PTPRD: variants seen among roughly 807,000 people sequenced by gnomAD.
PTPRD encodes protein tyrosine phosphatase receptor type D.
Under a neutral mutation model 214.5 loss-of-function variants are expected in PTPRD, and 34 were observed. The observed-to-expected ratio is 0.16, with a 90% CI of 0.12 to 0.21. The LOEUF (loss-of-function observed/expected upper bound fraction) is 0.21, where lower values mean the gene tolerates loss of function less well. Among genes scored for constraint, PTPRD ranks in the 10% least tolerant of loss-of-function variants. PTPRD has a pLI of 1.00. For synonymous variants in PTPRD, 1,128 were observed against 845.7 expected (o/e 1.33, Z -5.79); for missense variants, 2,545 against 2,398.7 (o/e 1.06, Z -1.27).
At chr9:8,572,107 C>A (rs965667101) in intron 14 of PTPRD, among the ~76,000 whole-genome samples, 1 of 152,042 alleles carries the variant, frequency 6.6e-6, no homozygotes, top group Non-Finnish European at 1.5e-5. Context: ...TCAGGTAGCA[C>A]TCAAAGAGCT....
intron 3 of PTPRD, among the ~76,000 whole-genome samples, chr9:10,283,533 T>C (rs2095230220): frequency 6.6e-6 from 1 of 152,236 alleles, no homozygotes; most frequent in Non-Finnish European, 1.5e-5. Context: ...GCATCTTTTA[T>C]TATGTCTATT....
At chr9:9,931,664 T>G (rs887091339) in intron 5 of PTPRD, among the ~76,000 whole-genome samples, 221 of 151,122 alleles carry the variant, frequency 1.5e-3, no homozygotes, top group African/African-American at 5.0e-3. Flanking sequence ...GCGCCCACCA[T>G]TGCCCAGGCG....
rs1326931351 is a variant in PTPRD, at chr9:10,248,524, AAAT to A, written c.-545+92436_-545+92438del. ...GGGTACATATAGCAAAAAAAAAAAAAAATAAAAAAAATAAAGCGAGAAACCAAA... is the reference window on the plus strand; with the variant it reads ...GGGTACATATAGCAAAAAAAAAAAAAAAAAAAAATAAAGCGAGAAACCAAA... On this transcript the variant is annotated intron_variant, in intron 3 of 45. Transcript: ENST00000381196. 1.3e-3 allele frequency among the ~76,000 whole-genome samples: 41 copies of A among 31,530 alleles called. 1 individual carries two copies. Among genetic ancestry groups the A allele is most frequent in the East Asian group, 2.3e-3 (1 of 428 alleles). 20.7% of individuals were successfully genotyped at this position (31,530 alleles called of 152,430 possible).
intron 10 of PTPRD, among the ~76,000 whole-genome samples, chr9:9,151,585 C>T (rs1319921403): frequency 6.6e-6 from 1 of 152,138 alleles, no homozygotes; most frequent in Admixed American, 6.5e-5. Flanking sequence ...AACTAGGAAA[C>T]TTTACGAAAA....
At chr9:9,733,106 G>C (rs947124877) in intron 7 of PTPRD, among the ~76,000 whole-genome samples, 1 of 152,152 alleles carries the variant, frequency 6.6e-6, no homozygotes, top group East Asian at 1.9e-4. Context: ...GGCTAAACTA[G>C]TCTCGCAATA....
chr9:9,966,222 G>A (rs775178578), intron 4 of PTPRD, among the ~76,000 whole-genome samples: 13 of 152,072 alleles, frequency 8.5e-5, no homozygotes, highest in Non-Finnish European at 1.5e-4. Flanking sequence ...GCAACACAAG[G>A]AAAGATTTAT....
intron 3 of PTPRD, among the ~76,000 whole-genome samples, chr9:10,178,196 T>G (rs73396391): frequency 2.0e-5 from 3 of 151,920 alleles, no homozygotes. Flanking sequence ...GGAATGGGAT[T>G]GGGGCACAAG....
chr9:9,968,822 G>GAAAACTTAATGAAAACTT (rs2094894431), intron 4 of PTPRD, among the ~76,000 whole-genome samples: 1 of 152,094 alleles, frequency 6.6e-6, no homozygotes, highest in Non-Finnish European at 1.5e-5. Flanking sequence ...AACGAGAAAG[G>GAAAACTTAATGAAAACTT]AAAGAAAACT....
chr9:9,464,563 G>T (rs991155466), intron 8 of PTPRD, among the ~76,000 whole-genome samples: 1 of 151,978 alleles, frequency 6.6e-6, no homozygotes, highest in Non-Finnish European at 1.5e-5. Context: ...CACATTTAGT[G>T]GTATGTTTTA....
intron 14 of PTPRD, among the ~76,000 whole-genome samples, chr9:8,578,096 G>A (rs2092659426): frequency 6.6e-6 from 1 of 152,150 alleles, no homozygotes; most frequent in South Asian, 2.1e-4. Context: ...TACAGATACA[G>A]ATTCTTAGCA....
At chr9:9,836,969 C>T (rs886337501) in intron 5 of PTPRD, among the ~76,000 whole-genome samples, 2 of 152,164 alleles carry the variant, frequency 1.3e-5, no homozygotes, top group Non-Finnish European at 2.9e-5. Context: ...TAAAAAGCCT[C>T]ACCTATGTGT....
chr9:9,798,561 G>C (rs1048044110), intron 5 of PTPRD, among the ~76,000 whole-genome samples: 1 of 152,152 alleles, frequency 6.6e-6, no homozygotes, highest in African/African-American at 2.4e-5. Context: ...CATTTCATGG[G>C]AGAAGGTCAG....
intron 11 of PTPRD, among the ~76,000 whole-genome samples, chr9:8,792,314 T>A (rs1297875904): frequency 6.6e-6 from 1 of 152,174 alleles, no homozygotes; most frequent in Non-Finnish European, 1.5e-5. Flanking sequence ...CTGAAAGTCA[T>A]CCATAGGGGA....
intron 3 of PTPRD, among the ~76,000 whole-genome samples, chr9:10,097,577 C>T (rs1196796509): frequency 6.6e-6 from 1 of 151,580 alleles, no homozygotes; most frequent in Non-Finnish European, 1.5e-5. Flanking sequence ...GTGATTTTTG[C>T]ACATTGATTT....
At chr9:9,360,637 TAAC>T (rs1481175524) in intron 9 of PTPRD, among the ~76,000 whole-genome samples, 1 of 151,078 alleles carries the variant, frequency 6.6e-6, no homozygotes, top group African/African-American at 2.4e-5. Flanking sequence ...GTAGCAAAAA[TAAC>T]AATCTAGTCA....
At chr9:10,465,783 T>G (rs1007386886) in intron 2 of PTPRD, among the ~76,000 whole-genome samples, 1 of 152,174 alleles carries the variant, frequency 6.6e-6, no homozygotes, top group Admixed American at 6.5e-5. Context: ...TGTAAGCACA[T>G]TCTCAATTTC....
At chr9:10,046,874 CACG>C (rs1303711458) in intron 3 of PTPRD, among the ~76,000 whole-genome samples, 4 of 151,912 alleles carry the variant, frequency 2.6e-5, no homozygotes, top group African/African-American at 7.2e-5. Context: ...CTCAAAACAT[CACG>C]ACACCTGTCA....
intron 5 of PTPRD, among the ~76,000 whole-genome samples, chr9:9,818,542 T>G (rs117807972): frequency 6.6e-6 from 1 of 152,096 alleles, no homozygotes; most frequent in African/African-American, 2.4e-5. Context: ...CAGAGAGAGA[T>G]AGAAAGAGGC....
intron 9 of PTPRD, among the ~76,000 whole-genome samples, chr9:9,365,339 A>G (rs1463231564): frequency 1.3e-5 from 2 of 151,582 alleles, no homozygotes; most frequent in Non-Finnish European, 3.0e-5. Context: ...TTTCACATAT[A>G]GTTGGTATTA....
Sources: gnomAD v4.1 joint callset for allele counts (sites outside exome capture counted in the v4.1 genomes callset) on GRCh38, gnomAD v4.1.1 for gene constraint, MANE v1.5 for transcripts, NCBI Gene and HGNC (gene_info 2026-07-23, HGNC 2026-07-21) for gene names.